The following RAB3C variants were observed in gnomAD, a reference collection of about 807,000 sequenced individuals.
RAB3C encodes ras-related protein Rab-3C.
Under a neutral mutation model 26.4 loss-of-function variants are expected in RAB3C, and 17 were observed. The observed-to-expected ratio is 0.64, with a 90% CI of 0.44 to 0.97. RAB3C has a LOEUF of 0.97. Among genes scored for constraint, RAB3C ranks in the 50% least tolerant of loss-of-function variants. The pLI, the probability that RAB3C is intolerant of heterozygous loss-of-function variation, is 0.00. For missense variants in RAB3C, 242 were observed against 281.9 expected (o/e 0.86, Z 1.01); for synonymous variants, 91 against 95.9 (o/e 0.95, Z 0.30).
intron 1 of RAB3C, among the ~76,000 whole-genome samples, chr5:58,588,325 G>A (rs1411570294): frequency 6.6e-6 from 1 of 152,124 alleles, no homozygotes; most frequent in Admixed American, 6.6e-5. Context: ...CACCAGCAAT[G>A]TATGAGAGAG....
intron 3 of RAB3C, among the ~76,000 whole-genome samples, chr5:58,775,046 A>T (rs1342099938): frequency 6.6e-6 from 1 of 152,134 alleles, no homozygotes; most frequent in African/African-American, 2.4e-5. Flanking sequence ...CTTCTGTGTT[A>T]TGAATTGAGT....
chr5:58,732,081 T>C (rs527507020), intron 3 of RAB3C, among the ~76,000 whole-genome samples: 84 of 145,164 alleles, frequency 5.8e-4, no homozygotes, highest in Non-Finnish European at 1.1e-3. Flanking sequence ...TATTTATTTA[T>C]TTATTTTTTT....
chr5:58,615,443 T>G (rs991018860), intron 1 of RAB3C, among the ~76,000 whole-genome samples: 1 of 152,174 alleles, frequency 6.6e-6, no homozygotes, highest in African/African-American at 2.4e-5. Context: ...AGAGGAGCAT[T>G]AAATGATGAA....
chr5:58,627,898 A>G (rs1258057081), intron 2 of RAB3C, among the ~76,000 whole-genome samples: 1 of 152,188 alleles, frequency 6.6e-6, no homozygotes, highest in Non-Finnish European at 1.5e-5. Context: ...AGGCTCACGC[A>G]TGTAATCCTA....
At chr5:58,688,715 T>C (rs1288631511) in intron 2 of RAB3C, among the ~76,000 whole-genome samples, 1 of 152,138 alleles carries the variant, frequency 6.6e-6, no homozygotes, top group African/African-American at 2.4e-5. Flanking sequence ...TCTTTGGCCT[T>C]TGAATCTGTG....
At chr5:58,623,474 T>G (rs574639319) in intron 2 of RAB3C, among the ~76,000 whole-genome samples, 384 of 152,346 alleles carry the variant, frequency 2.5e-3, no homozygotes, top group Middle Eastern at 3.4e-3. Flanking sequence ...CTGTCATTTG[T>G]ATGCTCTTTT....
chr5:58,701,249 C>T (rs895112066), intron 2 of RAB3C, among the ~76,000 whole-genome samples: 1 of 152,180 alleles, frequency 6.6e-6, no homozygotes, highest in Admixed American at 6.5e-5. Context: ...GATCCACCCG[C>T]CTTGGCCTCC....
chr5:58,841,154 A>T (rs1169608768), intron 4 of RAB3C, among the ~76,000 whole-genome samples: 1 of 152,188 alleles, frequency 6.6e-6, no homozygotes, highest in Non-Finnish European at 1.5e-5. Context: ...GGTCCTGAGC[A>T]CGGTCACATA....
intron 4 of RAB3C, 29 bp from the exon 5 acceptor site, chr5:58,851,135 C>G (rs150894702): frequency 1.9e-6 from 3 of 1,563,326 alleles, no homozygotes; most frequent in Middle Eastern, 1.7e-4. Flanking sequence ...GCAAAATAAC[C>G]AAGATGTGTT....
intron 3 of RAB3C, among the ~76,000 whole-genome samples, chr5:58,776,643 G>A (rs756839747): frequency 3.6e-4 from 55 of 152,006 alleles, no homozygotes; most frequent in Non-Finnish European, 6.8e-4. Flanking sequence ...ATTGCTCACA[G>A]TAGTAACCCG....
intron 1 of RAB3C, among the ~76,000 whole-genome samples, chr5:58,584,989 T>C (rs1579798757): frequency 6.6e-6 from 1 of 152,216 alleles, no homozygotes; most frequent in East Asian, 1.9e-4. Context: ...AAAACTTTAA[T>C]GAAGAACTAA....
chr5:58,738,231 T>C (rs1156667751), intron 3 of RAB3C, among the ~76,000 whole-genome samples: 1 of 152,058 alleles, frequency 6.6e-6, no homozygotes, highest in Non-Finnish European at 1.5e-5. Flanking sequence ...TCTCAATAAA[T>C]TCCCCAGGCT....
chr5:58,768,436 AGG>A (rs753091659), intron 3 of RAB3C, among the ~76,000 whole-genome samples: 6,656 of 117,680 alleles, frequency 0.057, 206 homozygotes, highest in Admixed American at 0.1. Context: ...AGCCACAAAC[AGG>A]TGTAGCTGGG....
chr5:58,744,551 A>C (rs1335322479), intron 3 of RAB3C, among the ~76,000 whole-genome samples: 8 of 152,228 alleles, frequency 5.3e-5, no homozygotes, highest in Non-Finnish European at 8.8e-5. Flanking sequence ...ACCGCAGTGC[A>C]TATGTGCCCC....
intron 2 of RAB3C, among the ~76,000 whole-genome samples, chr5:58,623,219 G>A (rs1343849619): frequency 6.6e-6 from 1 of 152,158 alleles, no homozygotes; most frequent in East Asian, 1.9e-4. Context: ...TCTGCTGTTG[G>A]AGAACGTGAA....
chr5:58,829,104 C>T (rs1399230090), intron 4 of RAB3C, among the ~76,000 whole-genome samples: 2 of 151,798 alleles, frequency 1.3e-5, no homozygotes, highest in Non-Finnish European at 2.9e-5. Context: ...GGGCTTTCAC[C>T]GTGTTAGCCA....
At chr5:58,809,203 G>A (rs151032642) in intron 3 of RAB3C, among the ~76,000 whole-genome samples, 293 of 152,146 alleles carry the variant, frequency 1.9e-3, no homozygotes, top group African/African-American at 6.5e-3. Context: ...ACTTAATTGT[G>A]ACCAAAAAAT....
At chr5:58,820,875 A>G (rs112422771) in intron 3 of RAB3C, among the ~76,000 whole-genome samples, 126 of 152,312 alleles carry the variant, frequency 8.3e-4, no homozygotes, top group African/African-American at 2.9e-3. Context: ...TGTATAACCT[A>G]TTACAGCAGC....
intron 2 of RAB3C, among the ~76,000 whole-genome samples, chr5:58,677,601 A>G (rs1215203099): frequency 2.6e-5 from 4 of 150,996 alleles, no homozygotes; most frequent in African/African-American, 9.7e-5. Flanking sequence ...GATACCCAAT[A>G]AATAAATATA....
Sources: gnomAD v4.1 joint callset for allele counts (sites outside exome capture counted in the v4.1 genomes callset) on GRCh38, gnomAD v4.1.1 for gene constraint, MANE v1.5 for transcripts, NCBI Gene and HGNC (gene_info 2026-07-23, HGNC 2026-07-21) for gene names.